Variants in NSMCE2 observed in about 807,000 individuals in gnomAD.
NSMCE2 encodes NSE2 SUMO ligase component of SMC5/6 complex, also known as E3 SUMO-protein ligase NSE2.
NSMCE2 carries 24 observed loss-of-function variants against 23.8 expected under a neutral mutation model. The observed-to-expected ratio is 1.01, with a 90% CI of 0.73 to 1.42. NSMCE2 has a LOEUF of 1.42. Ranked by LOEUF, NSMCE2 falls within the 40% of genes most tolerant of loss-of-function variation. The probability of loss-of-function intolerance (pLI) is 0.00; values close to 1 mark genes in which losing one functional copy is unlikely to be tolerated. For missense variants in NSMCE2, 284 were observed against 296.5 expected (o/e 0.96, Z 0.31); for synonymous variants, 92 against 94.1 (o/e 0.98, Z 0.13).
chr8:125,197,168 G>A (rs1823662198), intron 5 of NSMCE2, among the ~76,000 whole-genome samples: 1 of 152,196 alleles, frequency 6.6e-6, no homozygotes, highest in Non-Finnish European at 1.5e-5. Context: ...TCTGATGGTA[G>A]TTTCCTTTGC....
At chr8:125,268,405 G>A (rs954289649) in intron 5 of NSMCE2, among the ~76,000 whole-genome samples, 2 of 151,632 alleles carry the variant, frequency 1.3e-5, no homozygotes, top group African/African-American at 4.9e-5. Flanking sequence ...GGATCCCAAG[G>A]TTTTATCATG....
chr8:125,187,289 G>A (rs1823149960), intron 5 of NSMCE2, among the ~76,000 whole-genome samples: 2 of 152,194 alleles, frequency 1.3e-5, no homozygotes, highest in Admixed American at 1.3e-4. Flanking sequence ...AGATGACTAG[G>A]ATAGTGATGG....
In NSMCE2 at chr8:125,276,917, A is replaced by G. The variant is rs1030763747; in HGVS notation, c.419-80302A>G. 2.0e-5 allele frequency among the ~76,000 whole-genome samples: 3 copies of G among 152,164 alleles called. No individual in the cohort carries two copies. In the South Asian group the frequency reaches 6.2e-4, roughly 32 times the overall value. The stretch of plus-strand genomic sequence containing the variant: ...ACTGCATTGCACAACTGTGGGGGAC[A>G]CCATTCACATAGATGACAGTGTGAA... On this transcript the variant is annotated intron_variant, in intron 5 of 7. Coordinates refer to ENST00000287437, the MANE Select transcript of NSMCE2 (RefSeq NM_173685.4).
intron 4 of NSMCE2, among the ~76,000 whole-genome samples, chr8:125,157,114 C>A (rs970136884): frequency 2.0e-5 from 3 of 152,098 alleles, no homozygotes; most frequent in Non-Finnish European, 2.9e-5. Flanking sequence ...CATTGTGAAT[C>A]ATTGACAAAA....
chr8:125,232,432 C>T (rs1825364518), intron 5 of NSMCE2, among the ~76,000 whole-genome samples: 1 of 151,992 alleles, frequency 6.6e-6, no homozygotes, highest in African/African-American at 2.4e-5. Context: ...TATTGTCTGG[C>T]ATAGTTTTTG....
In NSMCE2 at chr8:125,170,376, C is replaced by CTTTTT. The variant is rs565593006; in HGVS notation, c.265-11692_265-11688dup. ...CATCAATAAACCTTACTCTTTATTT[C>CTTTTT]TTTTTTTTTTTTTTTTTTTTTTTTT... On this transcript the variant is annotated intron_variant, in intron 4 of 7. Transcript: ENST00000287437. Among the ~76,000 whole-genome samples the CTTTTT allele has an allele frequency of 1.6e-3, 60 of 37,860 alleles. 16 individuals are homozygous for CTTTTT. Among genetic ancestry groups the CTTTTT allele is most frequent in the South Asian group, 5.7e-3 (4 of 706 alleles). The allele number at this position is 37,860 out of a possible 152,430, so 24.8% of individuals were successfully genotyped here. A position where few individuals can be genotyped will look rare whatever the true frequency, so the allele number is the denominator to read the frequency against.
At chr8:125,330,939 A>G (rs771216108) in intron 5 of NSMCE2, among the ~76,000 whole-genome samples, 1 of 152,148 alleles carries the variant, frequency 6.6e-6, no homozygotes, top group Non-Finnish European at 1.5e-5. Flanking sequence ...CCCTTTACTC[A>G]TTAGATTTTT....
chr8:125,111,265 G>C (rs1563656095), intron 3 of NSMCE2, among the ~76,000 whole-genome samples: 1 of 152,164 alleles, frequency 6.6e-6, no homozygotes, highest in Non-Finnish European at 1.5e-5. Context: ...CTGCCCTCAT[G>C]AATAACTGAC....
Position 125,182,539 on chromosome 8 carries a change from CAA to C in NSMCE2, c.418+286_418+287del, listed in dbSNP as rs1015604103. The C allele has an allele frequency of 4.4e-5, 20 of 459,724 alleles. No individual in the cohort carries two copies. The Admixed American group carries it at 8.1e-4, about 19-fold the overall frequency. 28.5% of individuals were successfully genotyped at this position (459,724 alleles called of 1,614,324 possible). A position where few individuals can be genotyped will look rare whatever the true frequency, so the allele number is the denominator to read the frequency against. On this transcript the variant is annotated intron_variant, in intron 5 of 7. Coordinates refer to ENST00000287437, the MANE Select transcript of NSMCE2 (RefSeq NM_173685.4). ...TTGCTGGGGAGGGAAATTGGGAAAACAAAATAAAAGTGAAAACTATTTTATTT... is the reference window on the plus strand; with the variant it reads ...TTGCTGGGGAGGGAAATTGGGAAAACAATAAAAGTGAAAACTATTTTATTT...
At chr8:125,145,216 A>T (rs1470367426) in intron 3 of NSMCE2, among the ~76,000 whole-genome samples, 1 of 152,164 alleles carries the variant, frequency 6.6e-6, no homozygotes, top group South Asian at 2.1e-4. Flanking sequence ...TTTGAATAAC[A>T]CTTCAGTCCA....
chr8:125,299,677 T>C (rs998666025), intron 5 of NSMCE2, among the ~76,000 whole-genome samples: 8 of 152,074 alleles, frequency 5.3e-5, no homozygotes, highest in Non-Finnish European at 1.0e-4. Flanking sequence ...ACCCCTTTAA[T>C]GCATTTATTT....
intron 7 of NSMCE2, among the ~76,000 whole-genome samples, 177 bp downstream of exon 7, chr8:125,357,995 T>G (rs1431504664): frequency 6.6e-6 from 1 of 152,172 alleles, no homozygotes; most frequent in Non-Finnish European, 1.5e-5. Context: ...GAAAAATTAG[T>G]AATCTGTTCA....
At chr8:125,316,135 A>T (rs933805949) in intron 5 of NSMCE2, among the ~76,000 whole-genome samples, 21 of 152,326 alleles carry the variant, frequency 1.4e-4, no homozygotes, top group African/African-American at 5.1e-4. Flanking sequence ...ATGCATGATG[A>T]TAACAGATGC....
chr8:125,329,402 G>A (rs959895582), intron 5 of NSMCE2, among the ~76,000 whole-genome samples: 2 of 152,182 alleles, frequency 1.3e-5, no homozygotes, highest in East Asian at 1.9e-4. Flanking sequence ...CCTGGAGACC[G>A]CCATTGTTTT....
chr8:125,158,532 C>T (rs539895331), intron 4 of NSMCE2, among the ~76,000 whole-genome samples: 3 of 152,254 alleles, frequency 2.0e-5, no homozygotes, highest in African/African-American at 2.4e-5. Flanking sequence ...GGTACTGAGG[C>T]GCCCAGTGTG....
At position 125,177,277 on chromosome 8, in the gene NSMCE2, G is replaced by C. The variant is rs1000403674; in HGVS notation, c.265-4826G>C. ...CTAATTAAGAGATGAGAGAATTTCT[G>C]GGTTGAAGAATTTCAACCCAGAGTG... is the stretch of plus-strand genomic sequence containing the variant. On this transcript the variant is annotated intron_variant, in intron 4 of 7. Coordinates refer to ENST00000287437, the MANE Select transcript of NSMCE2 (RefSeq NM_173685.4). 3.3e-5 allele frequency among the ~76,000 whole-genome samples: 5 copies of C among 152,256 alleles called. No homozygotes were observed. In the South Asian group the frequency reaches 1.0e-3, roughly 32 times the overall value.
chr8:125,226,356 A>G (rs1825090964), intron 5 of NSMCE2, among the ~76,000 whole-genome samples: 1 of 152,198 alleles, frequency 6.6e-6, no homozygotes, highest in Non-Finnish European at 1.5e-5. Context: ...AATTCTAATC[A>G]TGGGACATTC....
At chr8:125,343,407 AC>A (rs1830318990) in intron 5 of NSMCE2, among the ~76,000 whole-genome samples, 2 of 152,250 alleles carry the variant, frequency 1.3e-5, no homozygotes, top group South Asian at 4.1e-4. Context: ...CACATTCTGT[AC>A]AAGTATTTTA....
intron 5 of NSMCE2, among the ~76,000 whole-genome samples, chr8:125,248,699 G>C (rs1424410199): frequency 6.6e-6 from 1 of 151,914 alleles, no homozygotes; most frequent in African/African-American, 2.4e-5. Flanking sequence ...AGTTTTTTCA[G>C]AGAAAGTCCA....
Sources: gnomAD v4.1 joint callset for allele counts (sites outside exome capture counted in the v4.1 genomes callset) on GRCh38, gnomAD v4.1.1 for gene constraint, MANE v1.5 for transcripts, NCBI Gene and HGNC (gene_info 2026-07-23, HGNC 2026-07-21) for gene names.